The following ZFPM2 variants were observed in gnomAD, a reference collection of about 807,000 sequenced individuals.
The protein encoded by ZFPM2 is zinc finger protein, FOG family member 2.
Under a neutral mutation model 98.6 loss-of-function variants are expected in ZFPM2, and 20 were observed. That is an observed-to-expected ratio of 0.20 (90% CI 0.14 to 0.29). ZFPM2 has a LOEUF of 0.29. ZFPM2 is among the 10% of genes least tolerant of loss of function. The pLI, the probability that ZFPM2 is intolerant of heterozygous loss-of-function variation, is 1.00. For synonymous variants in ZFPM2, 518 were observed against 502.7 expected, an observed-to-expected ratio of 1.03 and a Z score of -0.41; for missense variants, 1,310 against 1,388.6, an observed-to-expected ratio of 0.94 and a Z score of 0.90.
chr8:105,531,800 A>G (rs1814302984), intron 3 of ZFPM2, among the ~76,000 whole-genome samples: 1 of 152,236 alleles, frequency 6.6e-6, no homozygotes, highest in South Asian at 2.1e-4. Flanking sequence ...CTTAAGTACT[A>G]GAAGTATTAA....
chr8:105,479,469 T>G (rs1157415535), intron 3 of ZFPM2, among the ~76,000 whole-genome samples: 1 of 152,214 alleles, frequency 6.6e-6, no homozygotes, highest in Non-Finnish European at 1.5e-5. Context: ...AGGTAGTGGC[T>G]CAAAATGTGC....
At chr8:105,526,001 G>A (rs1364869576) in intron 3 of ZFPM2, among the ~76,000 whole-genome samples, 2 of 152,166 alleles carry the variant, frequency 1.3e-5, no homozygotes, top group Non-Finnish European at 2.9e-5. Flanking sequence ...CCACACAGGT[G>A]TAAAGTACAC....
At chr8:105,653,826 T>C (rs374851498) in intron 5 of ZFPM2, among the ~76,000 whole-genome samples, 7 of 149,386 alleles carry the variant, frequency 4.7e-5, no homozygotes, top group Non-Finnish European at 1.0e-4. Context: ...CTTCCTGTTT[T>C]GTCTTTATAC....
chr8:105,515,889 T>C (rs1434897043), intron 3 of ZFPM2, among the ~76,000 whole-genome samples: 1 of 150,666 alleles, frequency 6.6e-6, no homozygotes. Flanking sequence ...CCAGTCATTG[T>C]GCAAGAAAGA....
intron 5 of ZFPM2, among the ~76,000 whole-genome samples, chr8:105,691,256 T>TTTTTTTTTTTTTG: frequency 9.1e-6 from 1 of 110,422 alleles, no homozygotes; most frequent in Admixed American, 8.4e-5. Context: ...TTTTTTTTTT[T>TTTTTTTTTTTTTG]TTTGAGACGG....
At chr8:105,771,649 G>A (rs180719701) in intron 5 of ZFPM2, among the ~76,000 whole-genome samples, 3 of 152,066 alleles carry the variant, frequency 2.0e-5, no homozygotes, top group Non-Finnish European at 2.9e-5. Flanking sequence ...AGATTTTGCC[G>A]TTCATTCCCC....
At chr8:105,669,412 A>AATAT (rs751723461) in intron 5 of ZFPM2, among the ~76,000 whole-genome samples, 2 of 148,698 alleles carry the variant, frequency 1.3e-5, no homozygotes, top group Admixed American at 1.4e-4. Flanking sequence ...ATTTGGGGCA[A>AATAT]ATATATATAT....
At chr8:105,556,856 G>C (rs541159365) in intron 3 of ZFPM2, among the ~76,000 whole-genome samples, 1 of 151,944 alleles carries the variant, frequency 6.6e-6, no homozygotes, top group African/African-American at 2.4e-5. Context: ...CCGAGTAGTT[G>C]GGATTACAGA....
At chr8:105,380,675 ATTATATATATATT>A (rs1810841567) in intron 1 of ZFPM2, among the ~76,000 whole-genome samples, 2 of 19,712 alleles carry the variant, frequency 1.0e-4, no homozygotes, top group Non-Finnish European at 1.7e-4. Flanking sequence ...TAACATATAT[ATTATATATATATT>A]ATATATAACA....
intron 6 of ZFPM2, among the ~76,000 whole-genome samples, chr8:105,790,048 T>G (rs1465801936): frequency 6.6e-6 from 1 of 151,616 alleles, no homozygotes; most frequent in African/African-American, 2.4e-5. Flanking sequence ...CTGTTCACTC[T>G]GATGGTAGTT....
At chr8:105,517,681 C>CCACACAAACACCACACA (rs1813958510) in intron 3 of ZFPM2, among the ~76,000 whole-genome samples, 1 of 78,836 alleles carries the variant, frequency 1.3e-5, no homozygotes. Flanking sequence ...GAGACCCTAT[C>CCACACAAACACCACACA]CACACACACA....
intron 3 of ZFPM2, among the ~76,000 whole-genome samples, chr8:105,517,739 A>ACACACACACACACACACACC (rs1563695463): frequency 1.3e-5 from 2 of 150,262 alleles, no homozygotes; most frequent in Admixed American, 6.6e-5. Context: ...ACACACACAC[A>ACACACACACACACACACACC]CACCCCTAGT....
intron 3 of ZFPM2, among the ~76,000 whole-genome samples, chr8:105,512,518 A>T (rs1458962565): frequency 6.6e-6 from 1 of 152,196 alleles, no homozygotes; most frequent in African/African-American, 2.4e-5. Context: ...ATTTTTTATC[A>T]CTAGGTATTC....
intron 5 of ZFPM2, among the ~76,000 whole-genome samples, chr8:105,649,290 G>A (rs2130864777): frequency 6.6e-6 from 1 of 152,240 alleles, no homozygotes; most frequent in Non-Finnish European, 1.5e-5. Flanking sequence ...CTGAGACTAT[G>A]GGGTTTTCTA....
In ZFPM2 at chr8:105,697,793, C is replaced by G. The variant is rs556079094; in HGVS notation, c.532+63436C>G. On this transcript the variant is annotated intron_variant, in intron 5 of 7. Transcript: ENST00000407775. ...AGGCCAGACTGTATTTTTAACATAG[C>G]TAAATATGAATGGCTAAAGTAATTT... Among the ~76,000 whole-genome samples the G allele has an allele frequency of 4.7e-4, 71 of 152,172 alleles. 1 individual carries two copies. The highest frequency in any genetic ancestry group is 1.0e-3 in the Non-Finnish European group (69 of 67,996).
intron 3 of ZFPM2, among the ~76,000 whole-genome samples, chr8:105,484,131 G>A (rs1813180300): frequency 6.6e-6 from 1 of 151,942 alleles, no homozygotes; most frequent in African/African-American, 2.4e-5. Context: ...TTTGTGATTT[G>A]TGTTTGCCAA....
At chr8:105,372,243 C>T (rs1429293387) in intron 1 of ZFPM2, among the ~76,000 whole-genome samples, 5 of 151,766 alleles carry the variant, frequency 3.3e-5, no homozygotes, top group Admixed American at 2.6e-4. Flanking sequence ...AGGGTTTCAC[C>T]GTGTTAGCCA....
chr8:105,521,542 A>G (rs1814060690), intron 3 of ZFPM2, among the ~76,000 whole-genome samples: 1 of 152,130 alleles, frequency 6.6e-6, no homozygotes, highest in Non-Finnish European at 1.5e-5. Context: ...CAAAAGTTTA[A>G]GGGCAAGAAT....
At chr8:105,566,543 G>A (rs75262207) in intron 4 of ZFPM2, among the ~76,000 whole-genome samples, 2,480 of 152,202 alleles carry the variant, frequency 0.016, 108 homozygotes, top group East Asian at 0.1. Flanking sequence ...TTCTCCCAAG[G>A]ACAAAGATCC....
Sources: gnomAD v4.1 joint callset for allele counts (sites outside exome capture counted in the v4.1 genomes callset) on GRCh38, gnomAD v4.1.1 for gene constraint, MANE v1.5 for transcripts, NCBI Gene and HGNC (gene_info 2026-07-23, HGNC 2026-07-21) for gene names.